The following ADAMTS18 variants were observed in gnomAD, a reference collection of about 807,000 sequenced individuals.
ADAMTS18 encodes A disintegrin and metalloproteinase with thrombospondin motifs 18.
In ADAMTS18, 157 loss-of-function variants were observed where a neutral mutation model predicts 165.9. The ratio of observed to expected loss-of-function variants is 0.95; its 90% CI spans 0.83 to 1.08. ADAMTS18 has a LOEUF of 1.08. ADAMTS18 is among the 50% of genes least tolerant of loss of function. The pLI, the probability that ADAMTS18 is intolerant of heterozygous loss-of-function variation, is 0.00. For synonymous variants in ADAMTS18, 782 were observed against 578.2 expected, an observed-to-expected ratio of 1.35 and a Z score of -5.06; for missense variants, 2,040 against 1,534.0, an observed-to-expected ratio of 1.33 and a Z score of -5.51.
chr16:77,394,898 C>T (rs897702871), intron 3 of ADAMTS18, among the ~76,000 whole-genome samples: 1 of 152,164 alleles, frequency 6.6e-6, no homozygotes, highest in African/African-American at 2.4e-5. Context: ...GAGTGCACAG[C>T]AAAACTGCAA....
rs186743253 is a variant in ADAMTS18, at chr16:77,306,021, A to G, written c.2533-5617T>C. Among the ~76,000 whole-genome samples, 11 of 152,280 alleles carry G rather than the reference A, an allele frequency of 7.2e-5. No individual in the cohort carries two copies. In the East Asian group the frequency reaches 1.9e-3, roughly 27 times the overall value. On this transcript the variant is annotated intron_variant, in intron 16 of 22. Coordinates refer to ENST00000282849, the MANE Select transcript of ADAMTS18 (RefSeq NM_199355.4). ...ACAGGAGCACCGCATCCCTCCCGTAATGGCACCACATCACAATAATGCCAT... is the reference window on the plus strand; with the variant it reads ...ACAGGAGCACCGCATCCCTCCCGTAGTGGCACCACATCACAATAATGCCAT...
intron 2 of ADAMTS18, among the ~76,000 whole-genome samples, chr16:77,434,089 G>A (rs1326968141): frequency 2.0e-5 from 3 of 151,992 alleles, no homozygotes; most frequent in African/African-American, 7.2e-5. Context: ...AGGAGAGGGA[G>A]GAAATAAGTA....
chr16:77,317,468 G>C (rs1004481316), intron 16 of ADAMTS18, among the ~76,000 whole-genome samples: 14 of 152,156 alleles, frequency 9.2e-5, no homozygotes, highest in African/African-American at 3.4e-4. Flanking sequence ...CGACTAGCTG[G>C]GATTACAGGC....
At chr16:77,372,144 G>A (rs1248390149) in intron 3 of ADAMTS18, among the ~76,000 whole-genome samples, 1 of 152,158 alleles carries the variant, frequency 6.6e-6, no homozygotes, top group African/African-American at 2.4e-5. Context: ...GTGGAGAAAT[G>A]AGAACTGCTA....
intron 16 of ADAMTS18, among the ~76,000 whole-genome samples, chr16:77,303,001 C>A (rs1469863639): frequency 6.6e-6 from 1 of 152,190 alleles, no homozygotes; most frequent in Non-Finnish European, 1.5e-5. Context: ...ATTATCAATG[C>A]AACCAACAAG....
chr16:77,415,303 G>T (rs927469774), intron 3 of ADAMTS18, among the ~76,000 whole-genome samples: 4 of 152,144 alleles, frequency 2.6e-5, no homozygotes, highest in Admixed American at 2.6e-4. Context: ...TTCTATCATA[G>T]TTTGGACTTT....
At chr16:77,398,866 G>C (rs2057292117) in intron 3 of ADAMTS18, among the ~76,000 whole-genome samples, 1 of 152,194 alleles carries the variant, frequency 6.6e-6, no homozygotes, top group Admixed American at 6.5e-5. Context: ...TAAAGAGAGA[G>C]AAGACTGAAA....
intron 10 of ADAMTS18, among the ~76,000 whole-genome samples, chr16:77,353,169 A>C (rs1261639547): frequency 2.0e-5 from 3 of 152,224 alleles, no homozygotes; most frequent in Non-Finnish European, 2.9e-5. Context: ...ATTCTTGACC[A>C]AGTGTAACAA....
intron 16 of ADAMTS18, among the ~76,000 whole-genome samples, chr16:77,306,602 G>C (rs1003981581): frequency 6.6e-6 from 1 of 151,966 alleles, no homozygotes; most frequent in Non-Finnish European, 1.5e-5. Flanking sequence ...TTACCATAAA[G>C]GTTATGGATA....
Position 77,353,850 on chromosome 16 carries a change from CTTG to C in ADAMTS18, c.1494_1496del (p.Lys499del). On this transcript the variant is annotated inframe_deletion, in exon 10 of 23. Transcript: ENST00000282849. Reference sequence around the variant, plus strand: ...CCGGATATTTATACTGTCCTGCTTGCTTGGGCTCATCCACTAGACACCCCGCCT... The same window carrying C: ...CCGGATATTTATACTGTCCTGCTTGCGGCTCATCCACTAGACACCCCGCCT... 6.2e-7 allele frequency: 1 copy of C among 1,614,152 alleles called. No individual in the cohort carries two copies. The highest frequency in any genetic ancestry group is 8.5e-7 in the Non-Finnish European group (1 of 1,180,034).
rs751029682 is a variant in ADAMTS18, at chr16:77,293,240, G to A, written c.3025C>T (p.Arg1009Ter). 9.3e-6 allele frequency: 15 copies of A among 1,612,966 alleles called. No individual in the cohort carries two copies. In the Admixed American group the frequency reaches 1.5e-4, roughly 16 times the overall value. Residue 1009 changes from arginine to a stop codon, truncating the protein, a stop_gained, in exon 20 of 23, where the codon CGA becomes TGA. Transcript: ENST00000282849. LOFTEE classifies it high-confidence loss of function. Reference protein sequence around the residue: ...PWSQCSKTCGRGVRKRELLCK... With the variant: ...PWSQCSKTCG ...AGGAGTTCACGCTTCCTCACCCCTC[G>A]TCCACAGGTCTTGGAACACTTGAGA...
Position 77,353,803 on chromosome 16 carries a change from T to G in ADAMTS18, c.1544A>C (p.Tyr515Ser). ...CCATTTACACTGTGTGTCAGCATCA[T>G]AAATCTGTCCTGGTAGTTTGTCCGG... ...KYPDKLPGQI[Y>S]DADTQCKWQF... Residue 515 changes from tyrosine to serine, a missense_variant, in exon 10 of 23, where the codon TAT (tyrosine) becomes TCT (serine). Transcript: ENST00000282849. The G allele has an allele frequency of 6.2e-7, 1 of 1,614,198 alleles. No homozygotes were observed.
chr16:77,388,356 T>A (rs1472563569), intron 3 of ADAMTS18, among the ~76,000 whole-genome samples: 1 of 152,178 alleles, frequency 6.6e-6, no homozygotes, highest in Non-Finnish European at 1.5e-5. Flanking sequence ...TGCCTCAGCC[T>A]CCCAAAGTGC....
At chr16:77,299,707 C>T (rs1484909327) in intron 17 of ADAMTS18, among the ~76,000 whole-genome samples, 1 of 152,230 alleles carries the variant, frequency 6.6e-6, no homozygotes, top group Admixed American at 6.5e-5. Context: ...TCCTTCTACT[C>T]ACCCAGTAGA....
rs927463472 is a variant in ADAMTS18 at position 77,305,170 on chromosome 16, C to G, written c.2533-4766G>C. On this transcript the variant is annotated intron_variant, in intron 16 of 22. Coordinates refer to ENST00000282849, the MANE Select transcript of ADAMTS18 (RefSeq NM_199355.4). ...TGTGCCAATTGTAGCATATTATTTG[C>G]TTCTCAATAAGTAAGATGCTCTTTG... Among the ~76,000 whole-genome samples, 66 of 152,140 alleles carry G rather than the reference C, an allele frequency of 4.3e-4. 1 individual carries two copies. Among genetic ancestry groups the G allele is most frequent in the South Asian group, 2.9e-3 (14 of 4,832 alleles).
chr16:77,365,591 T>G (rs1032585129), intron 4 of ADAMTS18, among the ~76,000 whole-genome samples: 3 of 152,230 alleles, frequency 2.0e-5, no homozygotes, highest in African/African-American at 7.2e-5. Context: ...GAATGGATAC[T>G]GGCCATAGCC....
chr16:77,392,309 T>G (rs1009684081), intron 3 of ADAMTS18, among the ~76,000 whole-genome samples: 23 of 152,216 alleles, frequency 1.5e-4, no homozygotes, highest in Admixed American at 1.5e-3. Flanking sequence ...CTTCATTTCC[T>G]AGTGCCCATC....
chr16:77,307,415 C>A (rs2144608427), intron 16 of ADAMTS18, among the ~76,000 whole-genome samples: 1 of 152,246 alleles, frequency 6.6e-6, no homozygotes, highest in Admixed American at 6.5e-5. Flanking sequence ...AATACAAAGA[C>A]CCTGATCAGG....
chr16:77,349,373 T>C (rs1410678833), intron 10 of ADAMTS18, among the ~76,000 whole-genome samples: 3 of 152,066 alleles, frequency 2.0e-5, no homozygotes, highest in Admixed American at 6.5e-5. Flanking sequence ...TGGAAATTGA[T>C]AGCTTATCTT....
Sources: gnomAD v4.1 joint callset for allele counts (sites outside exome capture counted in the v4.1 genomes callset) on GRCh38, gnomAD v4.1.1 for gene constraint, MANE v1.5 for transcripts, NCBI Gene and HGNC (gene_info 2026-07-23, HGNC 2026-07-21) for gene names.